The following C16orf96 variants were observed in gnomAD, a reference collection of about 807,000 sequenced individuals.
The protein encoded by C16orf96 is uncharacterized protein C16orf96.
A neutral mutation model predicts 103.6 loss-of-function variants in C16orf96; 108 were observed. The observed-to-expected ratio is 1.04, with a 90% CI of 0.89 to 1.22. The LOEUF is 1.22. Ranked by LOEUF, C16orf96 falls within the 50% of genes most tolerant of loss-of-function variation. The probability of loss-of-function intolerance (pLI) is 0.00; values close to 1 mark genes in which losing one functional copy is unlikely to be tolerated. For missense variants in C16orf96, 1,586 were observed against 1,464.2 expected, an observed-to-expected ratio of 1.08 and a Z score of -1.36; for synonymous variants, 566 against 593.5, an observed-to-expected ratio of 0.95 and a Z score of 0.67.
At chr16:4,590,992 A>G (rs879377216) in intron 9 of C16orf96, among the ~76,000 whole-genome samples, 4 of 151,622 alleles carry the variant, frequency 2.6e-5, no homozygotes, top group Admixed American at 6.6e-5. Context: ...AGATCACACC[A>G]CTGTACTCCA....
rs1596513088 is a variant in C16orf96 at position 4,559,837 on chromosome 16, A to C, written c.420+2928A>C. ...TGCCTATTCTGGACATTTCATCTAA[A>C]GGCATAATCTGTGTATTTCATAGAG... On this transcript the variant is annotated intron_variant, in intron 1 of 15. Coordinates refer to ENST00000444310, the MANE Select transcript of C16orf96 (RefSeq NM_001145011.2). Among the ~76,000 whole-genome samples the C allele has an allele frequency of 2.0e-5, 3 of 152,108 alleles. No individual in the cohort carries two copies. The East Asian group carries it at 5.8e-4, about 29-fold the overall frequency.
the C16orf96 span, among the ~76,000 whole-genome samples, chr16:4,548,898 T>C: frequency 7.3e-6 from 1 of 137,026 alleles, no homozygotes. Context: ...AAAAGAAAAG[T>C]GGGAGCTCTT....
chr16:4,563,054 C>T, intron 1 of C16orf96: 1 of 870,202 alleles, frequency 1.1e-6, no homozygotes, highest in South Asian at 1.4e-5. Context: ...TGACAGAGCT[C>T]TCCAAGTTTC....
At chr16:4,592,243 C>T in intron 10 of C16orf96, 62 bp from the exon 11 acceptor site, 1 of 1,545,948 alleles carries the variant, frequency 6.5e-7, no homozygotes, top group African/African-American at 1.4e-5. Context: ...TGGCTGGCTG[C>T]AGCCTCCCAC....
chr16:4,561,236 G>C (rs1397514182), intron 1 of C16orf96: 1 of 152,094 alleles, frequency 6.6e-6, no homozygotes, highest in African/African-American at 2.4e-5. Context: ...GAACCCAGGA[G>C]GCAGAATTTG....
chr16:4,579,985 G>A (rs138798692), intron 6 of C16orf96, 30 bp from the exon 7 acceptor site: 1 of 1,516,634 alleles, frequency 6.6e-7, no homozygotes, highest in Non-Finnish European at 9.0e-7. Flanking sequence ...AGAAGCAGAG[G>A]CCTGGGGTGT....
chr16:4,566,334 C>T (rs997813833), intron 1 of C16orf96, among the ~76,000 whole-genome samples: 5 of 152,196 alleles, frequency 3.3e-5, no homozygotes, highest in Non-Finnish European at 5.9e-5. Flanking sequence ...TTATGGTTAA[C>T]AGCACTTAGT....
the C16orf96 span, among the ~76,000 whole-genome samples, chr16:4,548,173 G>A: frequency 6.6e-6 from 1 of 152,106 alleles, no homozygotes; most frequent in African/African-American, 2.4e-5. Flanking sequence ...CCGGAGACAG[G>A]ACGATGTTCC....
At position 4,576,284 on chromosome 16, in the gene C16orf96, A is replaced by G; in HGVS notation, c.1804A>G (p.Thr602Ala). 1 of 1,550,746 alleles carries G rather than the reference A, an allele frequency of 6.4e-7. No homozygotes were observed. The highest frequency in any genetic ancestry group is 1.2e-5 in the South Asian group (1 of 84,064). The change falls in exon 5 of 16, where the codon ACC becomes GCC. Residue 602 changes from threonine (T) to alanine (A), a missense_variant. Thr to Ala is a moderately conservative substitution (Grantham distance 58). Transcript: ENST00000444310. ...AAKFVKDAPA[T>A]KMAAIATDTA... ...CAAGTTTGTCAAGGATGCCCCAGCCACCAAAATGGCCGCCATTGCAACAGA... is the reference window on the plus strand; with the variant it reads ...CAAGTTTGTCAAGGATGCCCCAGCCGCCAAAATGGCCGCCATTGCAACAGA...
At chr16:4,573,015 T>A (rs2059456322) in intron 2 of C16orf96, among the ~76,000 whole-genome samples, 2 of 152,188 alleles carry the variant, frequency 1.3e-5, no homozygotes, top group Admixed American at 1.3e-4. Flanking sequence ...GGCCTGTATT[T>A]GATCATCATG....
chr16:4,556,688 G>T lies in C16orf96; in HGVS notation c.199G>T (p.Ala67Ser). 2 of 1,551,460 alleles carry T rather than the reference G, an allele frequency of 1.3e-6. No homozygotes were observed. Among genetic ancestry groups the T allele is most frequent in the Non-Finnish European group, 1.7e-6 (2 of 1,146,808 alleles). ...GGTCATCATGCCCAGGGAAGGAGACGCCCAGCCTATCCTCAACCCCATGAA... is the reference window on the plus strand; with the variant it reads ...GGTCATCATGCCCAGGGAAGGAGACTCCCAGCCTATCCTCAACCCCATGAA... Reference protein sequence around the residue: ...QVVIMPREGDAQPILNPMKRL... With the variant: ...QVVIMPREGDSQPILNPMKRL... The change falls in exon 1 of 16, where the codon GCC becomes TCC. Residue 67 changes from alanine to serine, a missense_variant. By Grantham distance (99) the Ala-to-Ser change is moderately conservative. Transcript: ENST00000444310.
chr16:4,567,918 G>T (rs943200520), intron 1 of C16orf96, among the ~76,000 whole-genome samples: 1 of 150,900 alleles, frequency 6.6e-6, no homozygotes, highest in East Asian at 2.0e-4. Flanking sequence ...GGATGGTCTC[G>T]ATCTCCTGAC....
At chr16:4,587,771 C>A (rs1224235203) in intron 8 of C16orf96, among the ~76,000 whole-genome samples, 1 of 151,606 alleles carries the variant, frequency 6.6e-6, no homozygotes, top group African/African-American at 2.4e-5. Flanking sequence ...CACATCTCTA[C>A]AAAAAAATAA....
At chr16:4,556,319 A>C (rs1009337892), upstream of C16orf96, among the ~76,000 whole-genome samples, 1 of 151,358 alleles carries the variant, frequency 6.6e-6, no homozygotes, top group Admixed American at 6.6e-5. Flanking sequence ...GCAACCAGAG[A>C]CTCTGATCTG....
At chr16:4,567,987 C>T (rs915159558) in intron 1 of C16orf96, among the ~76,000 whole-genome samples, 4 of 151,966 alleles carry the variant, frequency 2.6e-5, no homozygotes, top group Admixed American at 6.6e-5. Context: ...TGAGCCACCA[C>T]GTCCGGCCTG....
chr16:4,596,659 G>A (rs902558853), intron 14 of C16orf96, among the ~76,000 whole-genome samples: 1 of 149,422 alleles, frequency 6.7e-6, no homozygotes, highest in Non-Finnish European at 1.5e-5. Flanking sequence ...TCCAGCCTGG[G>A]CGACAGAGCC....
the C16orf96 span, among the ~76,000 whole-genome samples, chr16:4,541,917 T>G: frequency 6.6e-6 from 1 of 152,238 alleles, no homozygotes; most frequent in Admixed American, 6.5e-5. Context: ...GAACCTAGGT[T>G]GTTCCCCCAG....
rs1271938737 is a variant in C16orf96 at position 4,575,753 on chromosome 16, C to G, written c.1273C>G (p.Pro425Ala). The change falls in exon 5 of 16, where the codon CCA (proline) becomes GCA (alanine). Residue 425 changes from proline to alanine, a missense_variant. Transcript: ENST00000444310. Reference protein sequence around the residue: ...PTQPQPSRAPPPATEFGSLWP... With the variant: ...PTQPQPSRAPAPATEFGSLWP... ...TCAGCCCCAACCCTCCAGGGCCCCA[C>G]CACCAGCCACTGAGTTTGGCTCATT... The G allele has an allele frequency of 3.2e-6, 5 of 1,547,328 alleles. No individual in the cohort carries two copies. Among genetic ancestry groups the G allele is most frequent in the Non-Finnish European group, 4.4e-6 (5 of 1,145,194 alleles).
chr16:4,572,031 G>T (rs1381244876), intron 2 of C16orf96, among the ~76,000 whole-genome samples: 1 of 151,634 alleles, frequency 6.6e-6, no homozygotes, highest in Non-Finnish European at 1.5e-5. Context: ...TGTATTTTTA[G>T]TAGAGACAGG....
Sources: gnomAD v4.1 joint callset for allele counts (sites outside exome capture counted in the v4.1 genomes callset) on GRCh38, gnomAD v4.1.1 for gene constraint, MANE v1.5 for transcripts, NCBI Gene and HGNC (gene_info 2026-07-23, HGNC 2026-07-21) for gene names.